HSH2D: variants seen among roughly 807,000 people sequenced by gnomAD.
HSH2D encodes the protein hematopoietic SH2 domain-containing protein.
Under a neutral mutation model 21.5 loss-of-function variants are expected in HSH2D, and 16 were observed. That is an observed-to-expected ratio of 0.74 (90% CI 0.50 to 1.13). The LOEUF (loss-of-function observed/expected upper bound fraction) is 1.13, where lower values mean the gene tolerates loss of function less well. HSH2D is among the 50% of genes most tolerant of loss of function. HSH2D has a pLI of 0.00. For missense variants in HSH2D, 418 were observed against 441.4 expected (o/e 0.95, Z 0.47); for synonymous variants, 172 against 184.7 (o/e 0.93, Z 0.56).
chr19:16,137,884 TATG>T, intron 1 of HSH2D, among the ~76,000 whole-genome samples: 1 of 151,950 alleles, frequency 6.6e-6, no homozygotes, highest in Non-Finnish European at 1.5e-5. Context: ...CTGTTATTAC[TATG>T]ACCACCATTG....
Position 16,157,717 on chromosome 19 carries a change from G to A in HSH2D, c.982G>A (p.Gly328Ser), listed in dbSNP as rs1317757093. The A allele has an allele frequency of 6.2e-7, 1 of 1,613,252 alleles. No individual in the cohort carries two copies. Reference protein sequence around the residue: ...SSQESKPEHQGLAEPENDQLP... With the variant: ...SSQESKPEHQSLAEPENDQLP... Reference sequence around the variant, plus strand: ...CCAGGAGTCCAAGCCAGAGCACCAGGGCTTGGCAGAGCCTGAGAACGACCA... The same window carrying A: ...CCAGGAGTCCAAGCCAGAGCACCAGAGCTTGGCAGAGCCTGAGAACGACCA... The change falls in exon 6 of 6, where the codon GGC becomes AGC. Residue 328 changes from glycine (G) to serine (S), a missense_variant. By Grantham distance (56) the Gly-to-Ser change is moderately conservative (BLOSUM62 0). Transcript: ENST00000613986. This position sits in a 1 kb window ranked among gnomAD's most constrained non-coding sequence, Gnocchi z 4.4.
intron 3 of HSH2D, 88 bp downstream of exon 3, chr19:16,152,729 C>G: frequency 1.0e-6 from 1 of 987,566 alleles, no homozygotes. Context: ...GTCATAGCTT[C>G]TCAGAAAGCA....
At chr19:16,145,892 A>G (rs1253763314) in intron 1 of HSH2D, among the ~76,000 whole-genome samples, 1 of 152,094 alleles carries the variant, frequency 6.6e-6, no homozygotes, top group Non-Finnish European at 1.5e-5. Context: ...CCTGGCCAAC[A>G]TGGTGAAACC....
At chr19:16,136,625 G>A (rs548168592) in intron 1 of HSH2D, among the ~76,000 whole-genome samples, 15 of 152,300 alleles carry the variant, frequency 9.8e-5, no homozygotes, top group African/African-American at 3.4e-4. Flanking sequence ...GCCAGCAGCT[G>A]CGTCAATAGA....
At chr19:16,136,844 T>C (rs2090967311) in intron 1 of HSH2D, among the ~76,000 whole-genome samples, 1 of 152,178 alleles carries the variant, frequency 6.6e-6, no homozygotes, top group Non-Finnish European at 1.5e-5. Context: ...CCTATGCAAA[T>C]ATAACACCTA....
At position 16,143,692 on chromosome 19, in the gene HSH2D, T is replaced by A. The variant is rs1414993398; in HGVS notation, c.-110T>A. 2.2e-6 allele frequency: 1 copy of A among 448,684 alleles called. No homozygotes were observed. Among genetic ancestry groups the A allele is most frequent in the African/African-American group, 2.0e-5 (1 of 49,674 alleles). 27.8% of individuals were successfully genotyped at this position (448,684 alleles called of 1,614,324 possible). On this transcript the variant is annotated 5_prime_UTR_variant, in exon 1 of 6. Transcript: ENST00000613986. ...GGCAGCCAGCCCCGCCCCATTGACGTGCAGACCTTGAATCGAAACCCAGGC... is the reference window on the plus strand; with the variant it reads ...GGCAGCCAGCCCCGCCCCATTGACGAGCAGACCTTGAATCGAAACCCAGGC...
intron 2 of HSH2D, among the ~76,000 whole-genome samples, chr19:16,150,369 G>A (rs1435607568): frequency 1.3e-5 from 2 of 152,136 alleles, no homozygotes; most frequent in Non-Finnish European, 2.9e-5. Flanking sequence ...GTGAAACCTT[G>A]TGTCTACTGA....
chr19:16,134,056 G>A (rs1599402052), exon 1 of HSH2D: 1 of 152,334 alleles, frequency 6.6e-6, no homozygotes, highest in Admixed American at 6.5e-5. Context: ...CCCAGGTCCA[G>A]TCATTCCCTA....
chr19:16,153,511 G>A (rs904182693), intron 4 of HSH2D, among the ~76,000 whole-genome samples: 2 of 152,146 alleles, frequency 1.3e-5, no homozygotes, highest in Admixed American at 6.5e-5. Context: ...GGCTCGGTGG[G>A]CGTGGCCTGG....
intron 2 of HSH2D, among the ~76,000 whole-genome samples, chr19:16,151,963 TG>T (rs2091160397): frequency 7.0e-6 from 1 of 143,666 alleles, no homozygotes; most frequent in South Asian, 2.2e-4. Flanking sequence ...AAAAAAAAGT[TG>T]GGCATGGTGG....
Position 16,157,823 on chromosome 19 carries a change from C to T in HSH2D, c.*29C>T, listed in dbSNP as rs768870147. 6 of 1,486,454 alleles carry T rather than the reference C, an allele frequency of 4.0e-6. No homozygotes were observed. The highest frequency in any genetic ancestry group is 2.1e-5 in the Admixed American group (1 of 47,918). The allele number at this position is 1,486,454 out of a possible 1,614,324, so 92.1% of individuals were successfully genotyped here. On this transcript the variant is annotated 3_prime_UTR_variant, in exon 6 of 6. Transcript: ENST00000613986. This position sits in a 1 kb window ranked among gnomAD's most constrained non-coding sequence, Gnocchi z 4.4. ...ACAGGTCCACCCTGGCTCTGGGACT[C>T]GCTGCCAGGGGCTGCCACACTCCTG...
At chr19:16,152,192 C>T (rs1315025369) in intron 2 of HSH2D, among the ~76,000 whole-genome samples, 1 of 149,842 alleles carries the variant, frequency 6.7e-6, no homozygotes, top group African/African-American at 2.5e-5. Context: ...CCGAGGTGGG[C>T]GGATCACGAG....
rs1274813788 is a variant in HSH2D, at chr19:16,157,228, C to T, written c.493C>T (p.Leu165=). 2 of 1,555,900 alleles carry T rather than the reference C, an allele frequency of 1.3e-6. No individual in the cohort carries two copies. Among genetic ancestry groups the T allele is most frequent in the Admixed American group, 2.0e-5 (1 of 50,278 alleles). Residue 165 remains leucine, a synonymous_variant, in exon 6 of 6, where the codon CTG becomes TTG. Transcript: ENST00000613986. This position sits in a 1 kb window ranked among gnomAD's most constrained non-coding sequence, Gnocchi z 4.4. ...APEEASPKPV[L]CHQSKERKPS... ...TTTTCAGGCCTCCCCAAAGCCAGTC[C>T]TGTGTCACCAATCAAAGGAAAGGAA...
At chr19:16,152,080 T>G (rs2091162642) in intron 2 of HSH2D, among the ~76,000 whole-genome samples, 2 of 124,566 alleles carry the variant, frequency 1.6e-5, no homozygotes, top group African/African-American at 3.1e-5. Context: ...GCACTCAGCC[T>G]GGGAGACAGA....
chr19:16,151,059 C>T (rs1022080062), intron 2 of HSH2D, among the ~76,000 whole-genome samples: 3 of 152,058 alleles, frequency 2.0e-5, no homozygotes, highest in Non-Finnish European at 2.9e-5. Context: ...TTCGGTGGCT[C>T]ACGCCTGTAA....
At chr19:16,143,604 A>G, upstream of HSH2D, 2 of 315,844 alleles carry the variant, frequency 6.3e-6, no homozygotes, top group Non-Finnish European at 1.3e-5. Context: ...AGACAGGGTG[A>G]CTTGAGCTGT....
chr19:16,154,349 G>A, intron 4 of HSH2D, 50 bp from the exon 5 acceptor site: 1 of 1,323,966 alleles, frequency 7.6e-7, no homozygotes. Flanking sequence ...GTCCGTGCAG[G>A]ACCTTTCCCC....
upstream of HSH2D, among the ~76,000 whole-genome samples, chr19:16,143,383 C>T (rs929702282): frequency 2.0e-5 from 3 of 152,192 alleles, no homozygotes; most frequent in South Asian, 6.2e-4. Flanking sequence ...CGCACCCGTT[C>T]CCCGTTCTCC....
intron 1 of HSH2D, among the ~76,000 whole-genome samples, chr19:16,147,560 G>A (rs887497956): frequency 6.6e-6 from 1 of 150,930 alleles, no homozygotes; most frequent in Non-Finnish European, 1.5e-5. Flanking sequence ...CTTTGGGGAT[G>A]AGCCAATGAA....
Sources: allele counts gnomAD v4.1 joint callset (sites outside exome capture counted in the v4.1 genomes callset), GRCh38; gene constraint gnomAD v4.1.1; non-coding constraint Gnocchi (gnomAD v3.1); transcripts MANE v1.5; gene names NCBI Gene and HGNC (gene_info 2026-07-23, HGNC 2026-07-21).